The following EVI5 variants were observed in gnomAD, a reference collection of about 807,000 sequenced individuals.
EVI5 encodes the protein ecotropic viral integration site 5.
A neutral mutation model predicts 112.0 loss-of-function variants in EVI5; 73 were observed. The ratio of observed to expected loss-of-function variants is 0.65; its 90% CI spans 0.54 to 0.79. The LOEUF is 0.79. Among genes scored for constraint, EVI5 ranks in the 30% least tolerant of loss-of-function variants. The pLI, the probability that EVI5 is intolerant of heterozygous loss-of-function variation, is 0.00. For missense variants in EVI5, 900 were observed against 968.8 expected (o/e 0.93, Z 0.94); for synonymous variants, 305 against 319.9 (o/e 0.95, Z 0.50).
chr1:92,549,160 A>G (rs1666336794), intron 19 of EVI5, among the ~76,000 whole-genome samples: 1 of 152,212 alleles, frequency 6.6e-6, no homozygotes, highest in Non-Finnish European at 1.5e-5. Flanking sequence ...ATATAGATCA[A>G]TGGAATAGAA....
chr1:92,551,184 G>C (rs1423439458), intron 19 of EVI5, among the ~76,000 whole-genome samples: 1 of 151,038 alleles, frequency 6.6e-6, no homozygotes, highest in African/African-American at 2.4e-5. Flanking sequence ...TGGGACTACA[G>C]GTGTGCACCA....
chr1:92,561,395 A>G (rs1430140563), intron 19 of EVI5, among the ~76,000 whole-genome samples: 1 of 152,016 alleles, frequency 6.6e-6, no homozygotes, highest in Non-Finnish European at 1.5e-5. Flanking sequence ...AATCTGCACA[A>G]TCTAGCTTTT....
chr1:92,550,769 A>AG (rs1666689416), intron 19 of EVI5, among the ~76,000 whole-genome samples: 1 of 59,076 alleles, frequency 1.7e-5, no homozygotes, highest in Non-Finnish European at 3.0e-5. Flanking sequence ...AAAAAAAAAA[A>AG]AAAAAAAAAA....
At chr1:92,537,292 T>G (rs1664062636) in intron 19 of EVI5, among the ~76,000 whole-genome samples, 1 of 151,902 alleles carries the variant, frequency 6.6e-6, no homozygotes. Flanking sequence ...AAGCTCCTAT[T>G]CGTACATTTG....
intron 2 of EVI5, among the ~76,000 whole-genome samples, chr1:92,710,086 C>CAAAAAAAAAAAAAAAAAAA (rs71091297): frequency 1.2e-5 from 1 of 82,806 alleles, no homozygotes; most frequent in South Asian, 5.5e-4. Context: ...TATTGCAAAG[C>CAAAAAAAAAAAAAAAAAAA]AAAAAAAAAA....
chr1:92,596,589 T>A lies in EVI5; in HGVS notation c.2070+8718A>T, dbSNP rs368275449. On this transcript the variant is annotated intron_variant, in intron 18 of 19. Transcript: ENST00000684568. Reference sequence around the variant, plus strand: ...CCAAATACAGCAAATACACAAAAAATGAAGTGTAACTAAACAGGGTTTCAT... The same window carrying A: ...CCAAATACAGCAAATACACAAAAAAAGAAGTGTAACTAAACAGGGTTTCAT... Among the ~76,000 whole-genome samples, 3 of 152,088 alleles carry A rather than the reference T, an allele frequency of 2.0e-5. No individual in the cohort carries two copies. The East Asian group carries it at 5.8e-4, about 29-fold the overall frequency.
Position 92,557,726 on chromosome 1 carries a change from C to CT in EVI5, c.2166+5915dup, listed in dbSNP as rs946289802. 2.1e-3 allele frequency among the ~76,000 whole-genome samples: 305 copies of CT among 143,704 alleles called. 2 individuals carry two copies. The highest frequency in any genetic ancestry group is 2.7e-3 in the Non-Finnish European group (173 of 65,020). 94.3% of individuals were successfully genotyped at this position (143,704 alleles called of 152,430 possible). ...AAATCATAAAAAATTCCGAAGAAAA[C>CT]TTTTTTTTTTTTTCTTGAGACAGGA... On this transcript the variant is annotated intron_variant, in intron 19 of 19. Coordinates refer to ENST00000684568, the MANE Select transcript of EVI5 (RefSeq NM_001350197.2).
intron 2 of EVI5, among the ~76,000 whole-genome samples, chr1:92,715,093 C>T (rs1339013725): frequency 6.6e-6 from 1 of 152,020 alleles, no homozygotes; most frequent in Admixed American, 6.6e-5. Flanking sequence ...GCAACCTCCG[C>T]CTCCCAGGTT....
At chr1:92,615,823 T>A (rs550953955) in intron 16 of EVI5, among the ~76,000 whole-genome samples, 1 of 152,110 alleles carries the variant, frequency 6.6e-6, no homozygotes, top group Non-Finnish European at 1.5e-5. Flanking sequence ...AGGTTGAGTG[T>A]GACCCATGAG....
At chr1:92,746,929 A>G (rs1013788564) in intron 1 of EVI5, among the ~76,000 whole-genome samples, 7 of 151,766 alleles carry the variant, frequency 4.6e-5, no homozygotes, top group Non-Finnish European at 1.0e-4. Context: ...AAAAAGAAGT[A>G]TAAGTGAGCA....
At chr1:92,541,144 T>C (rs1292113311) in intron 19 of EVI5, among the ~76,000 whole-genome samples, 1 of 152,222 alleles carries the variant, frequency 6.6e-6, no homozygotes, top group Non-Finnish European at 1.5e-5. Flanking sequence ...TCACTTTTAG[T>C]GTTCCATAGA....
intron 9 of EVI5, among the ~76,000 whole-genome samples, chr1:92,680,796 C>A (rs1310184913): frequency 6.6e-6 from 1 of 152,090 alleles, no homozygotes; most frequent in Non-Finnish European, 1.5e-5. Context: ...GCCAAAAATG[C>A]ACAACCTGAA....
At chr1:92,738,211 G>C (rs1321844683) in intron 1 of EVI5, among the ~76,000 whole-genome samples, 1 of 152,096 alleles carries the variant, frequency 6.6e-6, no homozygotes, top group African/African-American at 2.4e-5. Context: ...AGCCATAGTA[G>C]GCACTAAGAT....
chr1:92,677,078 A>G, intron 10 of EVI5, 80 bp downstream of exon 10: 2 of 846,420 alleles, frequency 2.4e-6, no homozygotes, highest in Non-Finnish European at 3.9e-6. Context: ...TATGAATATA[A>G]GAAGTACAAA....
At chr1:92,732,208 C>T in intron 2 of EVI5, 1 of 234,718 alleles carries the variant, frequency 4.3e-6, no homozygotes. Flanking sequence ...CATTCAAGGA[C>T]CGTGTTGAAA....
At chr1:92,602,841 A>G (rs554503663) in intron 18 of EVI5, among the ~76,000 whole-genome samples, 4 of 152,290 alleles carry the variant, frequency 2.6e-5, no homozygotes, top group Middle Eastern at 3.4e-3. Context: ...ACAAAACAAA[A>G]CCCAGGTACG....
chr1:92,594,129 A>C (rs921694887), intron 18 of EVI5, among the ~76,000 whole-genome samples: 72 of 152,178 alleles, frequency 4.7e-4, no homozygotes, highest in African/African-American at 1.5e-3. Context: ...GCCAAAAGAA[A>C]AAAGCTGGAG....
intron 9 of EVI5, among the ~76,000 whole-genome samples, chr1:92,682,670 C>T (rs1397374180): frequency 1.3e-5 from 2 of 152,112 alleles, no homozygotes; most frequent in African/African-American, 4.8e-5. Flanking sequence ...GAGGCTGAGG[C>T]TTGAACCTTG....
intron 14 of EVI5, among the ~76,000 whole-genome samples, chr1:92,630,394 T>G (rs1248333308): frequency 6.6e-6 from 1 of 152,348 alleles, no homozygotes; most frequent in South Asian, 2.1e-4. Context: ...ATTGTGGTTT[T>G]GATTTGCATT....
Sources: allele counts gnomAD v4.1 joint callset (sites outside exome capture counted in the v4.1 genomes callset), GRCh38; gene constraint gnomAD v4.1.1; transcripts MANE v1.5; gene names NCBI Gene and HGNC (gene_info 2026-07-23, HGNC 2026-07-21).